SIPA1L2: variants seen among roughly 807,000 people sequenced by gnomAD.
The protein encoded by SIPA1L2 is signal induced proliferation associated 1 like 2.
In SIPA1L2, 56 loss-of-function variants were observed where a neutral mutation model predicts 163.9. That is an observed-to-expected ratio of 0.34 (90% CI 0.28 to 0.43). The LOEUF (loss-of-function observed/expected upper bound fraction) is 0.43, where lower values mean the gene tolerates loss of function less well. Ranked by LOEUF, SIPA1L2 falls within the 20% of genes least tolerant of loss-of-function variation. SIPA1L2 has a pLI of 1.00. For synonymous variants in SIPA1L2, 877 were observed against 865.7 expected (o/e 1.01, Z -0.23); for missense variants, 1,974 against 2,193.5 (o/e 0.90, Z 2.00).
At chr1:232,615,610 T>C (rs1456051672) in intron 1 of SIPA1L2, among the ~76,000 whole-genome samples, 2 of 152,186 alleles carry the variant, frequency 1.3e-5, no homozygotes, top group African/African-American at 2.4e-5. Flanking sequence ...TTAAGCCTTC[T>C]ATTATGAGTC....
intron 1 of SIPA1L2, among the ~76,000 whole-genome samples, chr1:232,602,503 G>A (rs901232289): frequency 1.3e-5 from 2 of 152,082 alleles, no homozygotes; most frequent in South Asian, 2.1e-4. Context: ...GCAGATTTTT[G>A]TATTATTAGT....
intron 2 of SIPA1L2, among the ~76,000 whole-genome samples, chr1:232,535,646 T>G (rs1657256719): frequency 6.6e-6 from 1 of 152,222 alleles, no homozygotes; most frequent in Non-Finnish European, 1.5e-5. Flanking sequence ...ACATTTAACT[T>G]GAATATGAAT....
chr1:232,588,118 ACT>A (rs1660767640), intron 1 of SIPA1L2, among the ~76,000 whole-genome samples: 1 of 152,060 alleles, frequency 6.6e-6, no homozygotes, highest in Non-Finnish European at 1.5e-5. Context: ...ACACACTATG[ACT>A]CTGTGTGAAG....
At chr1:232,557,420 TTG>T (rs1658777758) in intron 2 of SIPA1L2, among the ~76,000 whole-genome samples, 1 of 152,220 alleles carries the variant, frequency 6.6e-6, no homozygotes. Context: ...AAAAAACTCC[TTG>T]TGTGTTTCTT....
intron 2 of SIPA1L2, among the ~76,000 whole-genome samples, chr1:232,544,709 T>TC (rs1657922200): frequency 6.6e-6 from 1 of 152,174 alleles, no homozygotes; most frequent in African/African-American, 2.4e-5. Context: ...GCTTGGAACA[T>TC]CCCTGCCCTG....
chr1:232,605,651 G>A (rs567168114), intron 1 of SIPA1L2, among the ~76,000 whole-genome samples: 3 of 152,004 alleles, frequency 2.0e-5, no homozygotes, highest in East Asian at 1.9e-4. Flanking sequence ...CCAAGATCGC[G>A]CCACTGCACT....
intron 2 of SIPA1L2, among the ~76,000 whole-genome samples, chr1:232,546,996 T>C (rs1658068361): frequency 6.6e-6 from 1 of 152,106 alleles, no homozygotes; most frequent in African/African-American, 2.4e-5. Flanking sequence ...TGGGAAATTG[T>C]AGAATGTAAA....
intron 10 of SIPA1L2, among the ~76,000 whole-genome samples, chr1:232,454,727 C>G (rs1037343067): frequency 9.9e-5 from 15 of 152,144 alleles, no homozygotes; most frequent in African/African-American, 3.6e-4. Context: ...ATGGTAATAT[C>G]CCAACATTCA....
rs776937773 is a variant in SIPA1L2 at position 232,491,069 on chromosome 1, T to C, written c.1618-7A>G. ...CTCCTCTCAGTGTTGTAAGCTGCAGTGACAAAACATAAGACTTCGGTTAAT... is the reference window on the plus strand; with the variant it reads ...CTCCTCTCAGTGTTGTAAGCTGCAGCGACAAAACATAAGACTTCGGTTAAT... On this transcript the variant is annotated splice_polypyrimidine_tract_variant and splice_region_variant and intron_variant, in intron 4 of 22. Coordinates refer to ENST00000674635, the MANE Select transcript of SIPA1L2 (RefSeq NM_020808.5). The C allele has an allele frequency of 2.5e-6, 4 of 1,609,298 alleles. No individual in the cohort carries two copies. The South Asian group carries it at 4.4e-5, about 18-fold the overall frequency.
chr1:232,488,015 G>A (rs918741996), intron 5 of SIPA1L2, among the ~76,000 whole-genome samples: 29 of 151,972 alleles, frequency 1.9e-4, no homozygotes, highest in Non-Finnish European at 3.4e-4. Flanking sequence ...GTGCAGTGGT[G>A]CGATCTTGGC....
At position 232,399,059 on chromosome 1, in the gene SIPA1L2, C is replaced by G; in HGVS notation, c.*68G>C. On this transcript the variant is annotated 3_prime_UTR_variant, in exon 23 of 23. Coordinates refer to ENST00000674635, the MANE Select transcript of SIPA1L2 (RefSeq NM_020808.5). ...GATTGGTTGAAAGCACACAGAAAAA[C>G]CACATGTTTGTGACTTCAAAGGGAC... The G allele has an allele frequency of 1.2e-6, 2 of 1,602,588 alleles. No individual in the cohort carries two copies. The highest frequency in any genetic ancestry group is 2.2e-5 in the South Asian group (2 of 89,780).
At chr1:232,618,569 G>T (rs1043576601) in intron 1 of SIPA1L2, among the ~76,000 whole-genome samples, 1 of 151,108 alleles carries the variant, frequency 6.6e-6, no homozygotes, top group African/African-American at 2.4e-5. Context: ...CAGGAGAATC[G>T]CTTCAACCCA....
chr1:232,509,789 T>A (rs992947119), intron 3 of SIPA1L2, among the ~76,000 whole-genome samples: 2 of 152,158 alleles, frequency 1.3e-5, no homozygotes, highest in Admixed American at 1.3e-4. Flanking sequence ...CAATTTCACT[T>A]TGAAGTCACA....
intron 1 of SIPA1L2, among the ~76,000 whole-genome samples, chr1:232,599,123 G>C (rs1228724649): frequency 6.6e-6 from 1 of 152,146 alleles, no homozygotes; most frequent in African/African-American, 2.4e-5. Context: ...GCATCCATTA[G>C]GTGAACAGCA....
At chr1:232,576,603 T>A (rs1660090889) in intron 1 of SIPA1L2, among the ~76,000 whole-genome samples, 1 of 152,132 alleles carries the variant, frequency 6.6e-6, no homozygotes, top group African/African-American at 2.4e-5. Context: ...ACAACTCACT[T>A]TAAATAAAAA....
chr1:232,400,581 A>G (rs917027035), intron 22 of SIPA1L2, among the ~76,000 whole-genome samples: 24 of 152,234 alleles, frequency 1.6e-4, no homozygotes, highest in African/African-American at 5.5e-4. Flanking sequence ...AAAACGTGCC[A>G]TTAGGTCATG....
Position 232,490,873 on chromosome 1 carries a change from C to A in SIPA1L2, c.1806+1G>T. The A allele has an allele frequency of 6.2e-7, 1 of 1,612,572 alleles. No individual in the cohort carries two copies. The highest frequency in any genetic ancestry group is 8.5e-7 in the Non-Finnish European group (1 of 1,179,364). ...AACATACAATCTCACATTATACACA[C>A]CCCTTGTTCATCAAGCTTGAGCAGC... On this transcript the variant is annotated splice_donor_variant, in intron 5 of 22. Transcript: ENST00000674635. LOFTEE classifies it high-confidence loss of function.
chr1:232,504,721 A>C (rs1013238216), intron 3 of SIPA1L2, among the ~76,000 whole-genome samples: 4 of 152,192 alleles, frequency 2.6e-5, no homozygotes, highest in Non-Finnish European at 5.9e-5. Flanking sequence ...TGAAAAATCC[A>C]AGGCATTACA....
At chr1:232,409,036 T>C (rs1660800027) in intron 19 of SIPA1L2, among the ~76,000 whole-genome samples, 1 of 152,320 alleles carries the variant, frequency 6.6e-6, no homozygotes, top group East Asian at 1.9e-4. Flanking sequence ...GTAACTCTTA[T>C]ATTCAGATTT....
Sources: allele counts gnomAD v4.1 joint callset (sites outside exome capture counted in the v4.1 genomes callset), GRCh38; gene constraint gnomAD v4.1.1; transcripts MANE v1.5; gene names NCBI Gene and HGNC (gene_info 2026-07-23, HGNC 2026-07-21).